Variants in ABCA8 observed in about 807,000 individuals in gnomAD.
ABCA8 encodes ATP binding cassette subfamily A member 8.
A neutral mutation model predicts 192.3 loss-of-function variants in ABCA8; 177 were observed. That is an observed-to-expected ratio of 0.92 (90% CI 0.81 to 1.04). The LOEUF (loss-of-function observed/expected upper bound fraction) is 1.04. Among genes scored for constraint, ABCA8 ranks in the 50% least tolerant of loss-of-function variants. ABCA8 has a pLI of 0.00. For missense variants in ABCA8, 1,915 were observed against 1,904.8 expected (o/e 1.01, Z -0.10); for synonymous variants, 642 against 690.2 (o/e 0.93, Z 1.09).
intron 4 of ABCA8, among the ~76,000 whole-genome samples, chr17:68,937,834 A>G (rs189603716): frequency 1.3e-5 from 2 of 150,402 alleles, no homozygotes; most frequent in African/African-American, 5.0e-5. Flanking sequence ...TATTTGTAAA[A>G]TAAACTTAAT....
intron 35 of ABCA8, 133 bp from the exon 36 acceptor site, chr17:68,875,866 T>C: frequency 9.8e-7 from 1 of 1,020,760 alleles, no homozygotes; most frequent in Non-Finnish European, 1.4e-6. Flanking sequence ...GGGTTCTTAA[T>C]AGGGCAGGTA....
chr17:68,922,816 AT>A (rs1296753357), intron 11 of ABCA8, among the ~76,000 whole-genome samples: 1 of 152,218 alleles, frequency 6.6e-6, no homozygotes, highest in African/African-American at 2.4e-5. Context: ...ATCTAAGCTT[AT>A]CCCATTACAA....
chr17:68,870,867 C>A (rs1263888713), intron 37 of ABCA8, among the ~76,000 whole-genome samples: 1 of 152,174 alleles, frequency 6.6e-6, no homozygotes, highest in African/African-American at 2.4e-5. Context: ...CCCAGAAATG[C>A]AATTGCTAGG....
At chr17:68,886,144 C>G (rs527858179) in intron 26 of ABCA8, among the ~76,000 whole-genome samples, 1 of 152,316 alleles carries the variant, frequency 6.6e-6, no homozygotes, top group African/African-American at 2.4e-5. Context: ...TGTTGTACTT[C>G]TAATTTCTCT....
intron 1 of ABCA8, among the ~76,000 whole-genome samples, chr17:68,952,403 A>G (rs2068592056): frequency 6.6e-6 from 1 of 152,086 alleles, no homozygotes; most frequent in Admixed American, 6.6e-5. Flanking sequence ...TGTTTTTAGT[A>G]GAGATGGGGT....
intron 13 of ABCA8, among the ~76,000 whole-genome samples, 171 bp downstream of exon 13, chr17:68,921,211 G>A (rs933977032): frequency 6.6e-6 from 1 of 152,032 alleles, no homozygotes; most frequent in Non-Finnish European, 1.5e-5. Context: ...GGGGTGGGGG[G>A]AGTGGGGAGG....
intron 7 of ABCA8, among the ~76,000 whole-genome samples, chr17:68,931,498 G>GT (rs780565550): frequency 2.0e-5 from 3 of 151,964 alleles, no homozygotes; most frequent in Non-Finnish European, 2.9e-5. Flanking sequence ...TTTTCTCAAA[G>GT]TTTTTTTATT....
At chr17:68,952,684 C>T (rs1011090643) in intron 1 of ABCA8, among the ~76,000 whole-genome samples, 1 of 152,168 alleles carries the variant, frequency 6.6e-6, no homozygotes, top group Non-Finnish European at 1.5e-5. Flanking sequence ...AACTTTTGTC[C>T]TCTCTGTAGG....
At chr17:68,896,545 T>C (rs1364219427) in intron 21 of ABCA8, among the ~76,000 whole-genome samples, 1 of 152,192 alleles carries the variant, frequency 6.6e-6, no homozygotes, top group Admixed American at 6.5e-5. Context: ...CTGTGCAGGA[T>C]GTGAATCAGC....
intron 6 of ABCA8, 117 bp downstream of exon 6, chr17:68,933,051 G>A: frequency 1.4e-6 from 1 of 738,180 alleles, no homozygotes; most frequent in South Asian, 1.7e-5. Flanking sequence ...AAACTTCAGA[G>A]TGAGCAAAGG....
chr17:68,882,476 G>A (rs937286660), intron 30 of ABCA8, 123 bp downstream of exon 30: 9 of 807,208 alleles, frequency 1.1e-5, no homozygotes, highest in Admixed American at 8.5e-5. Flanking sequence ...TCATTTAATC[G>A]TAAAAATGGC....
chr17:68,912,796 A>G (rs942407868), intron 17 of ABCA8, among the ~76,000 whole-genome samples: 2 of 152,148 alleles, frequency 1.3e-5, no homozygotes, highest in African/African-American at 4.8e-5. Flanking sequence ...ACCCAATACA[A>G]TAATAATAGC....
intron 33 of ABCA8, 93 bp from the exon 34 acceptor site, chr17:68,876,796 A>ATT: frequency 6.7e-7 from 1 of 1,497,722 alleles, no homozygotes; most frequent in Non-Finnish European, 9.3e-7. Context: ...GAACTCAAAA[A>ATT]TGCAGTTCTG....
At chr17:68,926,040 G>A (rs921026377) in intron 10 of ABCA8, among the ~76,000 whole-genome samples, 1 of 151,352 alleles carries the variant, frequency 6.6e-6, no homozygotes, top group Non-Finnish European at 1.5e-5. Context: ...GTGACATAAT[G>A]TTAAGTAAAA....
At chr17:68,890,010 A>G (rs2066586568) in intron 24 of ABCA8, among the ~76,000 whole-genome samples, 1 of 152,208 alleles carries the variant, frequency 6.6e-6, no homozygotes, top group Non-Finnish European at 1.5e-5. Flanking sequence ...GCTATTCAGA[A>G]CATTAATGCT....
chr17:68,887,925 T>TATATATATATCCATATATATATATATATA, intron 24 of ABCA8, among the ~76,000 whole-genome samples: 1 of 101,014 alleles, frequency 9.9e-6, no homozygotes, highest in Non-Finnish European at 1.9e-5. Context: ...TATATATATA[T>TATATATATATCCATATATATATATATATA]TATATATGGA....
rs1406717472 is a variant in ABCA8, at chr17:68,937,635, C to G, written c.302-520G>C. On this transcript the variant is annotated intron_variant, in intron 4 of 39. Transcript: ENST00000586539. ...TCCCTCTTTTCTGTAGGTATTTTGT[C>G]TGAGGCCACATGGATGTTTTATTAA... Among the ~76,000 whole-genome samples, 4 of 152,060 alleles carry G rather than the reference C, an allele frequency of 2.6e-5. No individual in the cohort carries two copies. In the East Asian group the frequency reaches 7.7e-4, roughly 29 times the overall value.
intron 21 of ABCA8, among the ~76,000 whole-genome samples, chr17:68,899,821 G>A (rs1433516814): frequency 6.6e-6 from 1 of 151,928 alleles, no homozygotes; most frequent in Non-Finnish European, 1.5e-5. Flanking sequence ...ACAAATTTTT[G>A]GAAACTAAAT....
chr17:68,890,076 G>T (rs776172282), intron 24 of ABCA8, among the ~76,000 whole-genome samples: 9 of 152,168 alleles, frequency 5.9e-5, no homozygotes, highest in Non-Finnish European at 1.2e-4. Context: ...CTTAGGAGAA[G>T]AATTGCTAGG....
Sources: allele counts gnomAD v4.1 joint callset (sites outside exome capture counted in the v4.1 genomes callset), GRCh38; gene constraint gnomAD v4.1.1; transcripts MANE v1.5; gene names NCBI Gene and HGNC (gene_info 2026-07-23, HGNC 2026-07-21).